EML4: variants seen among roughly 807,000 people sequenced by gnomAD.
EML4 encodes echinoderm microtubule-associated protein-like 4.
In EML4, 72 loss-of-function variants were observed where a neutral mutation model predicts 129.0. The observed-to-expected ratio is 0.56, with a 90% CI of 0.46 to 0.68. The LOEUF is 0.68. Among genes scored for constraint, EML4 ranks in the 30% least tolerant of loss-of-function variants. EML4 has a pLI of 0.00. For missense variants in EML4, 1,363 were observed against 1,190.6 expected (o/e 1.14, Z -2.13); for synonymous variants, 532 against 405.0 (o/e 1.31, Z -3.77).
chr2:42,188,276 T>C (rs1671379328), intron 1 of EML4, among the ~76,000 whole-genome samples: 1 of 152,096 alleles, frequency 6.6e-6, no homozygotes, highest in Non-Finnish European at 1.5e-5. Flanking sequence ...ATTTGAAAAA[T>C]AATGTAGAGG....
chr2:42,225,797 A>G (rs961527852), intron 1 of EML4, among the ~76,000 whole-genome samples: 7 of 152,184 alleles, frequency 4.6e-5, no homozygotes, highest in East Asian at 3.9e-4. Flanking sequence ...TTTATAGGCA[A>G]TATTGACATA....
At chr2:42,254,542 A>G (rs1675995563) in intron 2 of EML4, among the ~76,000 whole-genome samples, 1 of 152,160 alleles carries the variant, frequency 6.6e-6, no homozygotes, top group African/African-American at 2.4e-5. Context: ...GAGCAAAATA[A>G]AGGAAGTAGG....
chr2:42,302,647 C>A (rs1328372197), intron 14 of EML4, among the ~76,000 whole-genome samples: 1 of 151,990 alleles, frequency 6.6e-6, no homozygotes, highest in East Asian at 1.9e-4. Context: ...AATTCTCCTG[C>A]CTCAGCCTCC....
At position 42,244,121 on chromosome 2, in the gene EML4, A is replaced by G. The variant is rs1467255329; in HGVS notation, c.26-1384A>G. ...TTTTTGTTTTTTTTTTTTTTTTGAG[A>G]CGGGGTCTTGCTCTGTTGCCAGGCT... On this transcript the variant is annotated intron_variant, in intron 1 of 22. Transcript: ENST00000318522. Among the ~76,000 whole-genome samples the G allele has an allele frequency of 2.0e-4, 21 of 105,888 alleles. No individual in the cohort carries two copies. The East Asian group carries it at 4.3e-3, about 22-fold the overall frequency. 69.5% of individuals were successfully genotyped at this position (105,888 alleles called of 152,430 possible). A position where few individuals can be genotyped will look rare whatever the true frequency, so the allele number is the denominator to read the frequency against.
intron 1 of EML4, among the ~76,000 whole-genome samples, chr2:42,200,236 A>G (rs891675677): frequency 2.0e-5 from 3 of 151,618 alleles, no homozygotes; most frequent in Admixed American, 6.6e-5. Context: ...GAGGCAGGAG[A>G]ATGGTGTGAA....
intron 19 of EML4, chr2:42,325,113 C>CA (rs1410095673): frequency 1.5e-5 from 7 of 462,376 alleles, no homozygotes; most frequent in Non-Finnish European, 3.1e-5. Context: ...ACTTCATTCT[C>CA]AAAAATGGAG....
chr2:42,214,167 C>T (rs1455593369), intron 1 of EML4, among the ~76,000 whole-genome samples: 3 of 152,088 alleles, frequency 2.0e-5, no homozygotes, highest in East Asian at 1.9e-4. Flanking sequence ...ACAGCTTGGG[C>T]GGGAGTCACA....
intron 1 of EML4, among the ~76,000 whole-genome samples, chr2:42,215,277 C>T (rs1004186984): frequency 6.6e-6 from 1 of 152,130 alleles, no homozygotes; most frequent in Non-Finnish European, 1.5e-5. Context: ...TCAGGCTGGT[C>T]TTGAACTCCT....
At chr2:42,306,043 T>G (rs945369831) in intron 17 of EML4, among the ~76,000 whole-genome samples, 3 of 152,224 alleles carry the variant, frequency 2.0e-5, no homozygotes, top group Non-Finnish European at 4.4e-5. Flanking sequence ...AATGTGAAAC[T>G]AGAGATGCTA....
intron 11 of EML4, chr2:42,289,866 A>C (rs1667524618): frequency 2.0e-5 from 3 of 148,736 alleles, no homozygotes; most frequent in Non-Finnish European, 3.0e-5. Flanking sequence ...TCAGGAGTTC[A>C]AGACCACCCC....
intron 17 of EML4, among the ~76,000 whole-genome samples, chr2:42,313,746 G>A (rs574770871): frequency 1.3e-5 from 2 of 152,044 alleles, no homozygotes; most frequent in South Asian, 2.1e-4. Context: ...TGATCAACAC[G>A]GCGAAACCCT....
intron 1 of EML4, among the ~76,000 whole-genome samples, chr2:42,226,552 G>A (rs1339824415): frequency 3.9e-5 from 6 of 152,066 alleles, no homozygotes; most frequent in Non-Finnish European, 8.8e-5. Flanking sequence ...AGCCACTCGG[G>A]AGGCTGAGGC....
At chr2:42,211,717 A>G (rs1195512370) in intron 1 of EML4, among the ~76,000 whole-genome samples, 2 of 151,916 alleles carry the variant, frequency 1.3e-5, no homozygotes, top group East Asian at 1.9e-4. Context: ...CTGTTACTGC[A>G]TCGTGTGTTG....
At chr2:42,306,031 T>A (rs915347673) in intron 17 of EML4, among the ~76,000 whole-genome samples, 1 of 152,222 alleles carries the variant, frequency 6.6e-6, no homozygotes, top group African/African-American at 2.4e-5. Context: ...AATTGAATTA[T>A]GAATGTGAAA....
At chr2:42,229,257 A>G (rs1023197696) in intron 1 of EML4, among the ~76,000 whole-genome samples, 25 of 152,188 alleles carry the variant, frequency 1.6e-4, no homozygotes, top group African/African-American at 6.0e-4. Context: ...TTAATTTTCT[A>G]TAACTTTATA....
At chr2:42,207,944 G>A (rs1445009915) in intron 1 of EML4, 1 of 152,134 alleles carries the variant, frequency 6.6e-6, no homozygotes, top group African/African-American at 2.4e-5. Context: ...ATTGGTAATT[G>A]AGAGTCCTGA....
chr2:42,265,037 G>A (rs1665977507), intron 6 of EML4: 8 of 1,254,386 alleles, frequency 6.4e-6, no homozygotes, highest in African/African-American at 1.5e-5. Context: ...TATGCTGCCT[G>A]ACTTTCTTCC....
intron 1 of EML4, among the ~76,000 whole-genome samples, chr2:42,223,093 C>T (rs1673720206): frequency 6.6e-6 from 1 of 152,102 alleles, no homozygotes; most frequent in African/African-American, 2.4e-5. Context: ...ACGTGAGCCA[C>T]CGTGCCTGGC....
chr2:42,325,663 GC>G (rs1390770433), intron 20 of EML4, 109 bp downstream of exon 20: 1 of 216,470 alleles, frequency 4.6e-6, no homozygotes, highest in Non-Finnish European at 8.3e-6. Context: ...TGTCAGGGGC[GC>G]TAATGAACAG....
Sources: gnomAD v4.1 joint callset for allele counts (sites outside exome capture counted in the v4.1 genomes callset) on GRCh38, gnomAD v4.1.1 for gene constraint, MANE v1.5 for transcripts, NCBI Gene and HGNC (gene_info 2026-07-23, HGNC 2026-07-21) for gene names.